The following ATP7A variants were observed in gnomAD, a reference collection of about 807,000 sequenced individuals.
ATP7A encodes ATPase copper transporting alpha.
In ATP7A, 7 loss-of-function variants were observed where a neutral mutation model predicts 83.5. That is an observed-to-expected ratio of 0.08 (90% CI 0.05 to 0.16). ATP7A has a LOEUF of 0.16. Among genes scored for constraint, ATP7A ranks in the 10% least tolerant of loss-of-function variants. The probability of loss-of-function intolerance (pLI) is 1.00; values close to 1 mark genes in which losing one functional copy is unlikely to be tolerated. For missense variants in ATP7A, 940 were observed against 1,120.8 expected (o/e 0.84, Z 2.30); for synonymous variants, 354 against 395.2 (o/e 0.90, Z 1.24).
rs1557236729 is a variant in ATP7A at position 78,029,305 on chromosome X, C to T, written c.2972C>T (p.Ala991Val). ...ACGATAATACGATTTGCTTTCCAAG[C>T]CTCTATCACAGTTCTGTGTATTGCA... is the stretch of plus-strand genomic sequence containing the variant. ...TETIIRFAFQ[A>V]SITVLCIACP... Residue 991 changes from alanine (A) to valine (V), a missense_variant, in exon 15 of 23, where the codon GCC becomes GTC. By Grantham distance (64) the Ala-to-Val change is moderately conservative. Transcript: ENST00000341514. 1 of 1,209,294 alleles carries T rather than the reference C, an allele frequency of 8.3e-7. No homozygotes were observed.
chrX:78,016,394 G>A (rs1320481509), intron 12 of ATP7A, among the ~76,000 whole-genome samples: 1 of 110,906 alleles, frequency 9.0e-6, no homozygotes, highest in Non-Finnish European at 1.9e-5. Flanking sequence ...GGGACACAGA[G>A]CCAAACCATA....
At chrX:77,959,923 C>T (rs1173444379) in intron 1 of ATP7A, among the ~76,000 whole-genome samples, 3 of 112,118 alleles carry the variant, frequency 2.7e-5, no homozygotes, top group Non-Finnish European at 3.8e-5. Flanking sequence ...CATAATTGTA[C>T]TAATTTATAC....
chrX:77,982,998 C>T (rs144178036), intron 2 of ATP7A, among the ~76,000 whole-genome samples: 91 of 111,956 alleles, frequency 8.1e-4, no homozygotes, highest in African/African-American at 1.5e-3. Flanking sequence ...TCATGTATTG[C>T]GCCTTCTCCC....
chrX:77,932,612 A>G (rs1000743217), intron 1 of ATP7A, among the ~76,000 whole-genome samples: 77 of 112,553 alleles, frequency 6.8e-4, no homozygotes, highest in Middle Eastern at 4.6e-3. Flanking sequence ...CAGCCTGGGC[A>G]CCATTGAGCA....
intron 9 of ATP7A, chrX:78,011,916 CTTTAT>C: frequency 1.8e-5 from 4 of 222,520 alleles, no homozygotes; most frequent in Non-Finnish European, 3.2e-5. Context: ...CTGTATATAA[CTTTAT>C]TTTATTTTTA....
chrX:78,042,489 C>T, intron 19 of ATP7A, 96 bp from the exon 20 acceptor site: 1 of 874,007 alleles, frequency 1.1e-6, no homozygotes, highest in East Asian at 3.1e-5. Flanking sequence ...AAAATGTGGA[C>T]ATCTTGTGGG....
intron 6 of ATP7A, among the ~76,000 whole-genome samples, chrX:78,004,642 G>A (rs1293241637): frequency 9.0e-6 from 1 of 110,992 alleles, no homozygotes; most frequent in African/African-American, 3.3e-5. Flanking sequence ...CAGCACTTTG[G>A]GAGGCCGAGG....
At chrX:77,996,931 G>T (rs2077708252) in intron 4 of ATP7A, among the ~76,000 whole-genome samples, 2 of 110,351 alleles carry the variant, frequency 1.8e-5, no homozygotes, top group Admixed American at 1.9e-4. Context: ...TTTTTCTTTG[G>T]TTTTTAAAAA....
intron 1 of ATP7A, chrX:77,923,666 G>A (rs1183809862): frequency 1.9e-5 from 2 of 103,901 alleles, no homozygotes; most frequent in Non-Finnish European, 3.9e-5. Context: ...TATTCATACC[G>A]CTTTCAAAAG....
At chrX:78,007,500 T>A (rs1557233876) in intron 6 of ATP7A, among the ~76,000 whole-genome samples, 1 of 111,054 alleles carries the variant, frequency 9.0e-6, no homozygotes, top group Non-Finnish European at 1.9e-5. Flanking sequence ...TAATTTTTTG[T>A]ATTTGTAGTA....
chrX:78,049,223 TGAG>T lies in ATP7A; in HGVS notation c.*2654_*2656del, dbSNP rs1451757515. The T allele has an allele frequency of 9.0e-6, 1 of 111,708 alleles. No individual in the cohort carries two copies. The highest frequency in any genetic ancestry group is 1.9e-5 in the Non-Finnish European group (1 of 53,082). 9.2% of individuals were successfully genotyped at this position (111,708 alleles called of 1,213,427 possible). ...CTAGCTTTAAGTCAGGAGTTAGTAA[TGAG>T]AAATTTTATAAATGTGTATTTCTGT... On this transcript the variant is annotated 3_prime_UTR_variant, in exon 23 of 23. Coordinates refer to ENST00000341514, the MANE Select transcript of ATP7A (RefSeq NM_000052.7).
rs2078103638 is a variant in ATP7A at position 78,049,821 on chromosome X, A to G, written c.*3251A>G. The G allele has an allele frequency of 8.9e-6, 1 of 111,906 alleles. No homozygotes were observed. Among genetic ancestry groups the G allele is most frequent in the Non-Finnish European group, 1.9e-5 (1 of 53,036 alleles). The allele number at this position is 111,906 out of a possible 1,213,427, so 9.2% of individuals were successfully genotyped here. ...AATGTATGTTAAGAGAATTTTTTCT[A>G]TTACTTATGGATCATGCTTTAAAAT... On this transcript the variant is annotated 3_prime_UTR_variant, in exon 23 of 23. Coordinates refer to ENST00000341514, the MANE Select transcript of ATP7A (RefSeq NM_000052.7).
At chrX:77,950,933 A>G (rs369681645) in intron 1 of ATP7A, among the ~76,000 whole-genome samples, 1 of 110,722 alleles carries the variant, frequency 9.0e-6, no homozygotes, top group East Asian at 2.8e-4. Flanking sequence ...GAGGCAGGAG[A>G]ATCACTTGAA....
intron 6 of ATP7A, among the ~76,000 whole-genome samples, chrX:78,008,656 A>G (rs1428595871): frequency 3.6e-5 from 4 of 110,872 alleles, no homozygotes; most frequent in African/African-American, 1.3e-4. Context: ...GGGACCATAT[A>G]TTTGTTCAAT....
chrX:78,009,167 G>C lies in ATP7A; in HGVS notation c.1773G>C (p.Gly591=), dbSNP rs2149093521. 2.5e-6 allele frequency: 3 copies of C among 1,209,350 alleles called. No homozygotes were observed. The highest frequency in any genetic ancestry group is 1.7e-5 in the African/African-American group (1 of 57,625). ...KIESSLTKHR[G]ILYCSVALAT... is the part of the protein sequence containing the mutation. Reference sequence around the variant, plus strand: ...AGTCTAGTCTCACAAAACACAGAGGGATCCTATACTGCTCCGTGGCCCTGG... The same window carrying C: ...AGTCTAGTCTCACAAAACACAGAGGCATCCTATACTGCTCCGTGGCCCTGG... Residue 591 remains glycine (G), a synonymous_variant, in exon 7 of 23, where the codon GGG becomes GGC. Transcript: ENST00000341514.
intron 4 of ATP7A, among the ~76,000 whole-genome samples, chrX:77,996,033 C>T (rs180797497): frequency 2.9e-4 from 32 of 112,062 alleles, no homozygotes; most frequent in Admixed American, 4.7e-4. Flanking sequence ...GCGTGAGCCA[C>T]CGTGCCCAGC....
intron 4 of ATP7A, among the ~76,000 whole-genome samples, chrX:77,994,032 C>G (rs2077685277): frequency 9.0e-6 from 1 of 110,927 alleles, no homozygotes; most frequent in Non-Finnish European, 1.9e-5. Context: ...TTAGATTTAG[C>G]ACAATATGGA....
In ATP7A at chrX:78,011,544, T is replaced by C. The variant is rs983662243; in HGVS notation, c.2042T>C (p.Leu681Pro). Residue 681 changes from leucine to proline, a missense_variant, in exon 9 of 23, where the codon CTT becomes CCT. By Grantham distance (98) the Leu-to-Pro change is moderately conservative. This residue lies in a region of ATP7A where 204 missense variants were observed against 185.8 expected (regional missense o/e 1.10). Coordinates refer to ENST00000341514, the MANE Select transcript of ATP7A (RefSeq NM_000052.7). ...GTTATGGACCACCACTTTGCAACTC[T>C]TCACCATAATCAAAACATGAGTAAA... ...MMVMDHHFAT[L>P]HHNQNMSKEE... The C allele has an allele frequency of 8.3e-7, 1 of 1,211,104 alleles. No individual in the cohort carries two copies.
At chrX:78,003,962 C>G (rs1296489878) in intron 6 of ATP7A, among the ~76,000 whole-genome samples, 1 of 110,986 alleles carries the variant, frequency 9.0e-6, no homozygotes, top group Non-Finnish European at 1.9e-5. Context: ...GGAATGTGAA[C>G]ATTCATAAGA....
Sources: allele counts gnomAD v4.1 joint callset (sites outside exome capture counted in the v4.1 genomes callset), GRCh38; gene constraint gnomAD v4.1.1; regional missense constraint gnomAD v4.1.1; transcripts MANE v1.5; gene names NCBI Gene and HGNC (gene_info 2026-07-23, HGNC 2026-07-21).